GALNTL5: variants seen among roughly 807,000 people sequenced by gnomAD.
GALNTL5 encodes polypeptide N-acetylgalactosaminyltransferase like 5, also known as inactive polypeptide N-acetylgalactosaminyltransferase-like protein 5.
In GALNTL5, 44 loss-of-function variants were observed where a neutral mutation model predicts 51.0. That is an observed-to-expected ratio of 0.86 (90% confidence interval 0.68 to 1.11). The LOEUF (loss-of-function observed/expected upper bound fraction) is 1.11, where lower values mean the gene tolerates loss of function less well. Ranked by LOEUF, GALNTL5 falls within the 50% of genes least tolerant of loss-of-function variation. The pLI is 0.00. For missense variants in GALNTL5, 528 were observed against 531.8 expected (o/e 0.99, Z 0.07); for synonymous variants, 192 against 182.8 (o/e 1.05, Z -0.41).
chr7:152,014,702 G>A lies in GALNTL5; in HGVS notation c.1085G>A (p.Ser362Asn), dbSNP rs925757121. Residue 362 changes from serine to asparagine, a missense_variant, in exon 8 of 9, where the codon AGT (serine) becomes AAT (asparagine). By Grantham distance (46) the Ser-to-Asn change is conservative (BLOSUM62 1). Transcript: ENST00000392800. ...CCCTGCTCTCGAGTAGGACATATCA[G>A]TAAGAAACAAACTGGAAAACCTTCT... is the stretch of plus-strand genomic sequence containing the variant. The part of the protein sequence containing the change: ...IIPCSRVGHI[S>N]KKQTGKPSTI... 2 of 1,613,844 alleles carry A rather than the reference G, an allele frequency of 1.2e-6. No individual in the cohort carries two copies. Among genetic ancestry groups the A allele is most frequent in the Non-Finnish European group, 1.7e-6 (2 of 1,179,904 alleles).
At position 151,982,913 on chromosome 7, in the gene GALNTL5, G is replaced by A. The variant is rs778686928; in HGVS notation, c.369-73G>A. ...GTCAAAAAGATGCAAATAAGGAGAA[G>A]TGTTTGAACGAGATGACACAACATC... On this transcript the variant is annotated intron_variant, in intron 3 of 8. Transcript: ENST00000392800. The A allele has an allele frequency of 9.3e-6, 15 of 1,611,520 alleles. 1 individual carries two copies. In the African/African-American group the frequency reaches 1.9e-4, roughly 20 times the overall value.
At chr7:151,983,628 A>G (rs2081325166) in intron 4 of GALNTL5, among the ~76,000 whole-genome samples, 1 of 152,158 alleles carries the variant, frequency 6.6e-6, no homozygotes, top group South Asian at 2.1e-4. Context: ...ACTTGGGCCC[A>G]TGGCAGAGGG....
At chr7:151,999,102 T>A (rs12671038) in intron 5 of GALNTL5, among the ~76,000 whole-genome samples, 56,152 of 152,114 alleles carry the variant, frequency 0.37, 10,788 homozygotes, top group East Asian at 0.53. Context: ...TCTTTCTAGA[T>A]ATTTCATATC....
chr7:151,962,944 T>C (rs1251731631), intron 1 of GALNTL5, among the ~76,000 whole-genome samples: 3 of 152,122 alleles, frequency 2.0e-5, no homozygotes, highest in African/African-American at 7.2e-5. Flanking sequence ...TTTATTGCCA[T>C]TTGCAATCCA....
chr7:151,970,975 T>C lies in GALNTL5; in HGVS notation c.278T>C (p.Leu93Pro). 6.2e-7 allele frequency: 1 copy of C among 1,606,366 alleles called. No individual in the cohort carries two copies. Among genetic ancestry groups the C allele is most frequent in the South Asian group, 1.1e-5 (1 of 90,674 alleles). The change falls in exon 3 of 9, where the codon CTT becomes CCT. Residue 93 changes from leucine to proline, a missense_variant. Coordinates refer to ENST00000392800, the MANE Select transcript of GALNTL5 (RefSeq NM_145292.4). ...GATTTTAACCATACAAACCCAGAACTTCATAAAGAACTTTTAAAATATGGA... is the reference window on the plus strand; with the variant it reads ...GATTTTAACCATACAAACCCAGAACCTCATAAAGAACTTTTAAAATATGGA... ...GTDFNHTNPE[L>P]HKELLKYGFN...
Position 151,970,953 on chromosome 7 carries a change from T to G in GALNTL5, c.256T>G (p.Phe86Val), listed in dbSNP as rs553518942. 5.0e-6 allele frequency: 8 copies of G among 1,601,136 alleles called. No homozygotes were observed. Among genetic ancestry groups the G allele is most frequent in the Non-Finnish European group, 6.8e-6 (8 of 1,169,974 alleles). The change falls in exon 3 of 9, where the codon TTT becomes GTT. Residue 86 changes from phenylalanine (F) to valine (V), a missense_variant. Coordinates refer to ENST00000392800, the MANE Select transcript of GALNTL5 (RefSeq NM_145292.4). The stretch of plus-strand genomic sequence containing the variant: ...ATTACATTTTCTTGCAGGTACAGAT[T>G]TTAACCATACAAACCCAGAACTTCA... ...DKAKSMLGTDFNHTNPELHKE... is the reference protein window; with the variant it reads ...DKAKSMLGTDVNHTNPELHKE...
chr7:151,964,224 A>G (rs1476769164), intron 1 of GALNTL5, among the ~76,000 whole-genome samples: 1 of 152,210 alleles, frequency 6.6e-6, no homozygotes, highest in African/African-American at 2.4e-5. Context: ...GTGACCTCAT[A>G]TAACCATAAT....
chr7:152,019,151 CA>C (rs1423177865), intron 8 of GALNTL5, among the ~76,000 whole-genome samples: 1 of 152,174 alleles, frequency 6.6e-6, no homozygotes, highest in African/African-American at 2.4e-5. Context: ...GTTCAACCCT[CA>C]CAAGCACTTC....
intron 8 of GALNTL5, among the ~76,000 whole-genome samples, chr7:152,016,772 C>T (rs887730583): frequency 6.6e-6 from 1 of 152,122 alleles, no homozygotes; most frequent in African/African-American, 2.4e-5. Flanking sequence ...TGGTGGCTCA[C>T]ACTTGTAATT....
chr7:151,966,616 G>A (rs1284875929), intron 1 of GALNTL5, among the ~76,000 whole-genome samples: 1 of 152,140 alleles, frequency 6.6e-6, no homozygotes, highest in African/African-American at 2.4e-5. Flanking sequence ...AAACATTCTT[G>A]TACCTGTCTC....
intron 6 of GALNTL5, among the ~76,000 whole-genome samples, chr7:152,004,128 C>CATAA (rs201951657): frequency 0.015 from 2,321 of 151,954 alleles, 56 homozygotes; most frequent in African/African-American, 0.054. Flanking sequence ...CTGAAAACAA[C>CATAA]ATATTCAATA....
chr7:152,004,323 G>A (rs757488616), intron 6 of GALNTL5, among the ~76,000 whole-genome samples: 17 of 149,704 alleles, frequency 1.1e-4, no homozygotes, highest in Non-Finnish European at 2.2e-4. Context: ...CCTATTATAT[G>A]TAATATATAT....
At chr7:152,015,655 G>A (rs935047353) in intron 8 of GALNTL5, among the ~76,000 whole-genome samples, 4 of 151,432 alleles carry the variant, frequency 2.6e-5, no homozygotes, top group African/African-American at 4.9e-5. Context: ...CACCGTACCC[G>A]GCCCATGTGC....
intron 3 of GALNTL5, among the ~76,000 whole-genome samples, chr7:151,977,628 T>C (rs1381010848): frequency 2.6e-5 from 4 of 152,202 alleles, no homozygotes. Flanking sequence ...TGAAAGTTTT[T>C]GACTCTCTGA....
At chr7:152,010,812 C>T (rs943069725) in intron 7 of GALNTL5, among the ~76,000 whole-genome samples, 1 of 151,766 alleles carries the variant, frequency 6.6e-6, no homozygotes, top group African/African-American at 2.4e-5. Flanking sequence ...TAGAAAAATA[C>T]AGAGTATTAT....
intron 3 of GALNTL5, among the ~76,000 whole-genome samples, chr7:151,978,072 G>T: frequency 6.6e-6 from 1 of 151,390 alleles, no homozygotes; most frequent in Non-Finnish European, 1.5e-5. Flanking sequence ...ATTTCTTTTG[G>T]TTTATCCTGT....
In GALNTL5 at chr7:151,986,195, G is replaced by A. The variant is rs181509963; in HGVS notation, c.536-964G>A. Among the ~76,000 whole-genome samples, 158 of 152,254 alleles carry A rather than the reference G, an allele frequency of 1.0e-3. 1 individual carries two copies. Among genetic ancestry groups the A allele is most frequent in the African/African-American group, 3.8e-3 (156 of 41,554 alleles). On this transcript the variant is annotated intron_variant, in intron 4 of 8. Coordinates refer to ENST00000392800, the MANE Select transcript of GALNTL5 (RefSeq NM_145292.4). Reference sequence around the variant, plus strand: ...GAGGAAACTAAGACTCTCGTGGTTCGATAACTTTCCCAAGAGCTACTGAAA... The same window carrying A: ...GAGGAAACTAAGACTCTCGTGGTTCAATAACTTTCCCAAGAGCTACTGAAA...
Position 152,018,659 on chromosome 7 carries a change from A to T in GALNTL5, c.1177-987A>T, listed in dbSNP as rs1312073751. ...ATTGGGACAAGAGAGGGCTTTGGAC[A>T]GGAAGATGTGCCTAAGGTCATCCAT... On this transcript the variant is annotated intron_variant, in intron 8 of 8. Coordinates refer to ENST00000392800, the MANE Select transcript of GALNTL5 (RefSeq NM_145292.4). Among the ~76,000 whole-genome samples, 4 of 152,172 alleles carry T rather than the reference A, an allele frequency of 2.6e-5. No individual in the cohort carries two copies. In the East Asian group the frequency reaches 7.7e-4, roughly 29 times the overall value.
intron 7 of GALNTL5, among the ~76,000 whole-genome samples, chr7:152,012,739 G>T (rs2081753656): frequency 6.6e-6 from 1 of 152,146 alleles, no homozygotes; most frequent in South Asian, 2.1e-4. Context: ...GGCCAAGGTG[G>T]GCAGATCACT....
Sources: allele counts gnomAD v4.1 joint callset (sites outside exome capture counted in the v4.1 genomes callset), GRCh38; gene constraint gnomAD v4.1.1; transcripts MANE v1.5; gene names NCBI Gene and HGNC (gene_info 2026-07-23, HGNC 2026-07-21).